Variants in CLEC2D observed in about 807,000 individuals in gnomAD.
CLEC2D encodes C-type lectin domain family 2 member D.
A neutral mutation model predicts 20.0 loss-of-function variants in CLEC2D; 16 were observed. The ratio of observed to expected loss-of-function variants is 0.80; its 90% CI spans 0.54 to 1.22. CLEC2D has a LOEUF of 1.22. CLEC2D is among the 50% of genes most tolerant of loss of function. The probability of loss-of-function intolerance (pLI) is 0.00; values close to 1 mark genes in which losing one functional copy is unlikely to be tolerated. For synonymous variants in CLEC2D, 77 were observed against 71.1 expected, an observed-to-expected ratio of 1.08 and a Z score of -0.42; for missense variants, 207 against 221.5, an observed-to-expected ratio of 0.93 and a Z score of 0.42.
intron 2 of CLEC2D, among the ~76,000 whole-genome samples, chr12:9,682,399 G>A (rs1476510083): frequency 6.6e-6 from 1 of 151,956 alleles, no homozygotes. Flanking sequence ...TTTAAGTTCT[G>A]GGATAAATGT....
chr12:9,695,855 C>T lies in CLEC2D; in HGVS notation c.*981C>T, dbSNP rs755403198. On this transcript the variant is annotated 3_prime_UTR_variant, in exon 5 of 5. Transcript: ENST00000290855. Reference sequence around the variant, plus strand: ...AAAAAAGTAAAACTTGCTGCTGCTGCTGATGATGATGATGATGAAGATGAT... The same window carrying T: ...AAAAAAGTAAAACTTGCTGCTGCTGTTGATGATGATGATGATGAAGATGAT... 3 of 988,746 alleles carry T rather than the reference C, an allele frequency of 3.0e-6. No individual in the cohort carries two copies. Among genetic ancestry groups the T allele is most frequent in the African/African-American group, 3.2e-5 (2 of 62,712 alleles). 61.2% of individuals were successfully genotyped at this position (988,746 alleles called of 1,614,324 possible).
In CLEC2D at chr12:9,695,132, C is replaced by T. The variant is rs1226384598; in HGVS notation, c.*258C>T. 11 of 576,850 alleles carry T rather than the reference C, an allele frequency of 1.9e-5. 1 individual carries two copies. The South Asian group carries it at 2.1e-4, about 11-fold the overall frequency. The allele number at this position is 576,850 out of a possible 1,614,324, so 35.7% of individuals were successfully genotyped here. On this transcript the variant is annotated 3_prime_UTR_variant, in exon 5 of 5. Transcript: ENST00000290855. ...ATAAATAAAAGAGATTTAATTGACTCATAGTTCCACATGGCTGGGGAGGTC... is the reference window on the plus strand; with the variant it reads ...ATAAATAAAAGAGATTTAATTGACTTATAGTTCCACATGGCTGGGGAGGTC...
In CLEC2D at chr12:9,696,143, C is replaced by A; in HGVS notation, c.*1269C>A. Reference sequence around the variant, plus strand: ...CGTGGTTCTCTTCCCAAAGTGGAAACCAAGTTCATCAATTATGTGAAGAAT... The same window carrying A: ...CGTGGTTCTCTTCCCAAAGTGGAAAACAAGTTCATCAATTATGTGAAGAAT... On this transcript the variant is annotated 3_prime_UTR_variant, in exon 5 of 5. Transcript: ENST00000290855. The A allele has an allele frequency of 1.1e-6, 1 of 914,238 alleles. No individual in the cohort carries two copies. Among genetic ancestry groups the A allele is most frequent in the Admixed American group, 1.7e-5 (1 of 58,740 alleles). The allele number at this position is 914,238 out of a possible 1,614,324, so 56.6% of individuals were successfully genotyped here.
chr12:9,670,957 G>A (rs4763738), intron 1 of CLEC2D, among the ~76,000 whole-genome samples: 146,719 of 152,236 alleles, frequency 0.96, 70,801 homozygotes, highest in East Asian at 1. Context: ...AGGAGTTTAT[G>A]AATAATGTTC....
intron 1 of CLEC2D, among the ~76,000 whole-genome samples, chr12:9,670,956 T>A (rs1475026916): frequency 6.6e-6 from 1 of 152,154 alleles, no homozygotes; most frequent in African/African-American, 2.4e-5. Flanking sequence ...CAGGAGTTTA[T>A]GAATAATGTT....
chr12:9,685,894 T>C (rs1280321136), intron 2 of CLEC2D, among the ~76,000 whole-genome samples: 3 of 152,062 alleles, frequency 2.0e-5, no homozygotes. Flanking sequence ...CAGGCTCCAC[T>C]GGGGTATGAA....
intron 2 of CLEC2D, among the ~76,000 whole-genome samples, chr12:9,682,065 C>T (rs957974585): frequency 7.9e-5 from 12 of 151,934 alleles, no homozygotes; most frequent in African/African-American, 2.7e-4. Context: ...ATGAAATTGA[C>T]ACTTATGACT....
rs573808425 is a variant in CLEC2D, at chr12:9,680,597, A to C, written c.62-326A>C. Among the ~76,000 whole-genome samples the C allele has an allele frequency of 2.7e-4, 41 of 152,306 alleles. No homozygotes were observed. In the Middle Eastern group the frequency reaches 0.014, roughly 51 times the overall value. Reference sequence around the variant, plus strand: ...TTTAAAAATATTTCTTTACATTTTTAGACAGGAATCAGAATAATTTGCTAT... The same window carrying C: ...TTTAAAAATATTTCTTTACATTTTTCGACAGGAATCAGAATAATTTGCTAT... On this transcript the variant is annotated intron_variant, in intron 1 of 4. Coordinates refer to ENST00000290855, the MANE Select transcript of CLEC2D (RefSeq NM_013269.6).
Position 9,695,304 on chromosome 12 carries a change from T to C in CLEC2D, c.*430T>C. On this transcript the variant is annotated 3_prime_UTR_variant, in exon 5 of 5. Transcript: ENST00000290855. ...TATGGGGCTCCCTGGTGTGATTCCGTCCTGCGCGGCTGTTCTCTGGAGCAG... is the reference window on the plus strand; with the variant it reads ...TATGGGGCTCCCTGGTGTGATTCCGCCCTGCGCGGCTGTTCTCTGGAGCAG... 2 of 771,666 alleles carry C rather than the reference T, an allele frequency of 2.6e-6. No individual in the cohort carries two copies. The highest frequency in any genetic ancestry group is 4.5e-6 in the Non-Finnish European group (2 of 439,688). 47.8% of individuals were successfully genotyped at this position (771,666 alleles called of 1,614,324 possible).
intron 1 of CLEC2D, among the ~76,000 whole-genome samples, chr12:9,671,660 A>G (rs751247343): frequency 6.6e-6 from 1 of 152,296 alleles, no homozygotes; most frequent in Admixed American, 6.5e-5. Flanking sequence ...TTCACACTCT[A>G]TTTGAGATAG....
rs760602811 is a variant in CLEC2D, at chr12:9,692,926, A to T, written c.456A>T (p.Thr152=). ...AATGGATAAATGGTACTGAATGGAC[A>T]AGACAGTAAGTTCTAAAAATCTGGC... The part of the protein sequence containing the change: ...PWKWINGTEW[T]RQFPILGAGE... Residue 152 remains threonine, a synonymous_variant, in exon 4 of 5, where the codon ACA becomes ACT. Coordinates refer to ENST00000290855, the MANE Select transcript of CLEC2D (RefSeq NM_013269.6). 9 of 1,611,240 alleles carry T rather than the reference A, an allele frequency of 5.6e-6. No homozygotes were observed. In the East Asian group the frequency reaches 1.8e-4, roughly 32 times the overall value.
intron 1 of CLEC2D, chr12:9,680,177 A>C: frequency 3.7e-6 from 1 of 270,886 alleles, no homozygotes. Flanking sequence ...AGGGGCTTTT[A>C]CCCCTTTGTT....
intron 1 of CLEC2D, among the ~76,000 whole-genome samples, chr12:9,672,220 C>T (rs182177863): frequency 1.2e-3 from 177 of 152,248 alleles, no homozygotes; most frequent in Non-Finnish European, 1.6e-3. Context: ...TATAACAAAT[C>T]CACTTTCGTG....
chr12:9,683,079 G>C (rs1055053722), intron 2 of CLEC2D, among the ~76,000 whole-genome samples: 9 of 152,010 alleles, frequency 5.9e-5, no homozygotes, highest in Admixed American at 3.3e-4. Context: ...GTTTTGATTT[G>C]AATTTCTCTA....
intron 3 of CLEC2D, among the ~76,000 whole-genome samples, chr12:9,689,751 C>T (rs1220028309): frequency 6.6e-6 from 1 of 151,832 alleles, no homozygotes; most frequent in Non-Finnish European, 1.5e-5. Flanking sequence ...TGAAGAAGTT[C>T]AACAGCAGAT....
intron 4 of CLEC2D, 94 bp downstream of exon 4, chr12:9,693,025 C>A (rs200535095): frequency 1.2e-6 from 2 of 1,611,902 alleles, no homozygotes; most frequent in Non-Finnish European, 1.7e-6. Flanking sequence ...AAAAAATTCT[C>A]ATTTTAAGGT....
chr12:9,683,599 A>C (rs1278242271), intron 2 of CLEC2D, among the ~76,000 whole-genome samples: 1 of 152,108 alleles, frequency 6.6e-6, no homozygotes, highest in African/African-American at 2.4e-5. Context: ...ATGGCTAGCC[A>C]GTTTTCTCAA....
At chr12:9,684,794 G>A (rs752479662) in intron 2 of CLEC2D, among the ~76,000 whole-genome samples, 6 of 152,236 alleles carry the variant, frequency 3.9e-5, no homozygotes, top group African/African-American at 1.4e-4. Flanking sequence ...GTATTTTATT[G>A]AGGATTTTTG....
At chr12:9,684,940 T>C (rs754005269) in intron 2 of CLEC2D, among the ~76,000 whole-genome samples, 1 of 152,308 alleles carries the variant, frequency 6.6e-6, no homozygotes, top group Admixed American at 6.5e-5. Flanking sequence ...TTTGGAATAA[T>C]TTCAGAAGGA....
Sources: allele counts gnomAD v4.1 joint callset (sites outside exome capture counted in the v4.1 genomes callset), GRCh38; gene constraint gnomAD v4.1.1; transcripts MANE v1.5; gene names NCBI Gene and HGNC (gene_info 2026-07-23, HGNC 2026-07-21).